Variants in MAGI2 observed in about 807,000 individuals in gnomAD.
MAGI2 encodes the protein membrane-associated guanylate kinase, WW and PDZ domain-containing protein 2.
A neutral mutation model predicts 133.3 loss-of-function variants in MAGI2; 35 were observed. The ratio of observed to expected loss-of-function variants is 0.26; its 90% CI spans 0.20 to 0.35. MAGI2 has a LOEUF of 0.35. Ranked by LOEUF, MAGI2 falls within the 10% of genes least tolerant of loss-of-function variation. The probability of loss-of-function intolerance (pLI) is 1.00; values close to 1 mark genes in which losing one functional copy is unlikely to be tolerated. For synonymous variants in MAGI2, 729 were observed against 710.6 expected (o/e 1.03, Z -0.41); for missense variants, 1,636 against 1,863.4 (o/e 0.88, Z 2.25).
chr7:79,054,770 A>C (rs1812988745), intron 1 of MAGI2, among the ~76,000 whole-genome samples: 1 of 152,124 alleles, frequency 6.6e-6, no homozygotes, highest in South Asian at 2.1e-4. Context: ...CCCTTCTCTG[A>C]GCCACTTTGT....
At chr7:79,292,144 T>C (rs2129558842) in intron 1 of MAGI2, among the ~76,000 whole-genome samples, 1 of 152,326 alleles carries the variant, frequency 6.6e-6, no homozygotes, top group African/African-American at 2.4e-5. Flanking sequence ...GTTATTTCAG[T>C]ACCATTTTTT....
At chr7:78,311,670 A>G (rs1798715183) in intron 9 of MAGI2, among the ~76,000 whole-genome samples, 1 of 152,214 alleles carries the variant, frequency 6.6e-6, no homozygotes, top group Non-Finnish European at 1.5e-5. Context: ...AGATCAATAG[A>G]GATAAAATAT....
At chr7:78,353,577 G>A (rs1030264367) in intron 7 of MAGI2, among the ~76,000 whole-genome samples, 12 of 152,198 alleles carry the variant, frequency 7.9e-5, no homozygotes, top group African/African-American at 2.7e-4. Flanking sequence ...GCTGAAATTT[G>A]TATGCATGAC....
chr7:79,420,278 G>T (rs1039263157), intron 1 of MAGI2, among the ~76,000 whole-genome samples: 2 of 151,946 alleles, frequency 1.3e-5, no homozygotes, highest in African/African-American at 4.8e-5. Context: ...AGAAAATTAA[G>T]TTTAAAGTTC....
At chr7:78,259,073 G>A (rs901160559) in intron 9 of MAGI2, among the ~76,000 whole-genome samples, 1 of 152,122 alleles carries the variant, frequency 6.6e-6, no homozygotes, top group Non-Finnish European at 1.5e-5. Context: ...CAATCTAATG[G>A]ATGTGATCAT....
chr7:79,256,809 A>T (rs1833719736), intron 1 of MAGI2, among the ~76,000 whole-genome samples: 1 of 152,084 alleles, frequency 6.6e-6, no homozygotes, highest in Non-Finnish European at 1.5e-5. Context: ...TTTAAAATTT[A>T]TATAATAAAA....
chr7:78,350,561 C>CTA (rs1282302829), intron 7 of MAGI2: 1 of 152,136 alleles, frequency 6.6e-6, no homozygotes, highest in Admixed American at 6.5e-5. Flanking sequence ...GCCTCTTTTT[C>CTA]TATATGTGGC....
intron 21 of MAGI2, among the ~76,000 whole-genome samples, chr7:78,058,003 A>ATG (rs374332006): frequency 8.5e-6 from 1 of 117,028 alleles, no homozygotes; most frequent in Non-Finnish European, 1.8e-5. Flanking sequence ...ATATATATAT[A>ATG]TGTATGAGAA....
At chr7:78,861,754 T>C (rs771893103) in intron 2 of MAGI2, among the ~76,000 whole-genome samples, 12 of 152,230 alleles carry the variant, frequency 7.9e-5, no homozygotes, top group Non-Finnish European at 1.5e-4. Context: ...TACTATAAAA[T>C]GTCACATAAA....
At chr7:78,357,267 A>T (rs1792180967) in intron 7 of MAGI2, among the ~76,000 whole-genome samples, 1 of 152,192 alleles carries the variant, frequency 6.6e-6, no homozygotes, top group Non-Finnish European at 1.5e-5. Flanking sequence ...CAGTAATAGT[A>T]TCTCCCATTA....
chr7:79,305,845 C>T (rs1162446846), intron 1 of MAGI2, among the ~76,000 whole-genome samples: 2 of 151,998 alleles, frequency 1.3e-5, no homozygotes. Flanking sequence ...CCCATGAGCC[C>T]AGGAGTTTGA....
intron 2 of MAGI2, among the ~76,000 whole-genome samples, chr7:78,754,296 A>G (rs570390782): frequency 6.6e-6 from 1 of 151,924 alleles, no homozygotes; most frequent in African/African-American, 2.4e-5. Flanking sequence ...ACTTGCACCC[A>G]GGAGATTGAG....
Position 78,817,714 on chromosome 7 carries a change from CT to C in MAGI2, c.418+189375del, listed in dbSNP as rs35369022. ...TTAAGAGACTACAGTATAGTGTAAA[CT>C]TTTTTTTTTTTTTAGCTGGAGTTGT... On this transcript the variant is annotated intron_variant, in intron 2 of 21. Transcript: ENST00000354212. Among the ~76,000 whole-genome samples, 737 of 143,634 alleles carry C rather than the reference CT, an allele frequency of 5.1e-3. 2 individuals carry two copies. The highest frequency in any genetic ancestry group is 8.4e-3 in the African/African-American group (331 of 39,174). 94.2% of individuals were successfully genotyped at this position (143,634 alleles called of 152,430 possible). A position where few individuals can be genotyped will look rare whatever the true frequency, so the allele number is the denominator to read the frequency against.
In MAGI2 at chr7:79,399,079, C is replaced by CTTTTCTTTTTTTTTTTTTT. The variant is rs1585840184; in HGVS notation, c.301+53940_301+53941insAAAAAAAAAAAAAAGAAAA. ...CATCTTCAATTCACTAGTATTATTT[C>CTTTTCTTTTTTTTTTTTTT]TTTTTTTTTTCTTTTCTTTTTTTTT... On this transcript the variant is annotated intron_variant, in intron 1 of 21. Coordinates refer to ENST00000354212, the MANE Select transcript of MAGI2 (RefSeq NM_012301.4). Among the ~76,000 whole-genome samples the CTTTTCTTTTTTTTTTTTTT allele has an allele frequency of 2.1e-3, 246 of 114,586 alleles. 17 individuals carry two copies. The highest frequency in any genetic ancestry group is 0.013 in the East Asian group (44 of 3,408). The allele number at this position is 114,586 out of a possible 152,430, so 75.2% of individuals were successfully genotyped here.
chr7:78,120,710 T>C (rs976321813), intron 20 of MAGI2, among the ~76,000 whole-genome samples: 1 of 151,998 alleles, frequency 6.6e-6, no homozygotes. Context: ...CATTAAATAA[T>C]GATGCTGTGG....
At chr7:78,961,966 C>T (rs145113658) in intron 2 of MAGI2, among the ~76,000 whole-genome samples, 174 of 151,964 alleles carry the variant, frequency 1.1e-3, no homozygotes, top group African/African-American at 3.8e-3. Context: ...CAGTATGTTA[C>T]TGTAGTGAAT....
intron 3 of MAGI2, among the ~76,000 whole-genome samples, chr7:78,609,238 C>T (rs1194096968): frequency 6.6e-6 from 1 of 152,208 alleles, no homozygotes; most frequent in African/African-American, 2.4e-5. Context: ...CAATGCTTTG[C>T]ATCCTTCAGT....
intron 2 of MAGI2, among the ~76,000 whole-genome samples, chr7:78,654,713 A>ATATATATATATATG (rs1811960532): frequency 1.1e-4 from 1 of 9,068 alleles, no homozygotes; most frequent in Admixed American, 1.2e-3. Flanking sequence ...GTATATATAT[A>ATATATATATATATG]TATATATATA....
At chr7:78,873,684 C>T (rs774656296) in intron 2 of MAGI2, among the ~76,000 whole-genome samples, 12 of 151,946 alleles carry the variant, frequency 7.9e-5, no homozygotes, top group Non-Finnish European at 1.8e-4. Context: ...TGAATCATCC[C>T]GAAACCACCC....
Sources: gnomAD v4.1 joint callset for allele counts (sites outside exome capture counted in the v4.1 genomes callset) on GRCh38, gnomAD v4.1.1 for gene constraint, MANE v1.5 for transcripts, NCBI Gene and HGNC (gene_info 2026-07-23, HGNC 2026-07-21) for gene names.